Variants in PRAG1 observed in about 807,000 individuals in gnomAD.
The protein encoded by PRAG1 is PEAK1 related, kinase-activating pseudokinase 1.
Under a neutral mutation model 95.6 loss-of-function variants are expected in PRAG1, and 110 were observed. The ratio of observed to expected loss-of-function variants is 1.15; its 90% CI spans 0.99 to 1.35. The LOEUF is 1.35. Among genes scored for constraint, PRAG1 ranks in the 40% most tolerant of loss-of-function variants. The pLI is 0.00. For missense variants in PRAG1, 2,554 were observed against 1,864.7 expected, an observed-to-expected ratio of 1.37 and a Z score of -6.81; for synonymous variants, 1,052 against 819.4, an observed-to-expected ratio of 1.28 and a Z score of -4.85.
At chr8:8,374,273 T>C (rs1235072677) in intron 3 of PRAG1, among the ~76,000 whole-genome samples, 1 of 152,250 alleles carries the variant, frequency 6.6e-6, no homozygotes, top group Non-Finnish European at 1.5e-5. Context: ...GAGTGGCTTA[T>C]ACAAGGTCAC....
chr8:8,334,428 T>TC lies in PRAG1; in HGVS notation c.2320+5049dup, dbSNP rs1413007511. Among the ~76,000 whole-genome samples the TC allele has an allele frequency of 1.1e-4, 15 of 136,208 alleles. No individual in the cohort carries two copies. In the East Asian group the frequency reaches 3.6e-3, roughly 32 times the overall value. 89.4% of individuals were successfully genotyped at this position (136,208 alleles called of 152,430 possible). A position where few individuals can be genotyped will look rare whatever the true frequency, so the allele number is the denominator to read the frequency against. ...TCCAGCCTTGGTGACCGAGTGAGAC[T>TC]CCATCTCAAAAAAAAAAAAGCATTT... On this transcript the variant is annotated intron_variant, in intron 4 of 5. Transcript: ENST00000615670.
At chr8:8,385,556 G>A (rs531061000) in intron 1 of PRAG1, among the ~76,000 whole-genome samples, 7 of 152,330 alleles carry the variant, frequency 4.6e-5, no homozygotes, top group African/African-American at 1.2e-4. Context: ...AAAGCCTTCT[G>A]AGCCTGACTC....
At chr8:8,340,730 C>A (rs755774857) in intron 3 of PRAG1, among the ~76,000 whole-genome samples, 2 of 152,214 alleles carry the variant, frequency 1.3e-5, no homozygotes, top group Non-Finnish European at 2.9e-5. Flanking sequence ...TGTGTATCAA[C>A]AGGAGGGTTT....
At chr8:8,342,118 G>A (rs1456833133) in intron 3 of PRAG1, among the ~76,000 whole-genome samples, 2 of 151,850 alleles carry the variant, frequency 1.3e-5, no homozygotes, top group South Asian at 2.1e-4. Flanking sequence ...GTGACAGAGT[G>A]AAACTGTGTC....
chr8:8,322,274 G>A (rs1389156673), intron 5 of PRAG1, among the ~76,000 whole-genome samples: 14 of 152,108 alleles, frequency 9.2e-5, no homozygotes, highest in African/African-American at 3.4e-4. Flanking sequence ...TCTGCCTCCC[G>A]GGTTCAAGCG....
intron 3 of PRAG1, among the ~76,000 whole-genome samples, chr8:8,353,163 C>G (rs1452784892): frequency 6.6e-6 from 1 of 152,078 alleles, no homozygotes; most frequent in East Asian, 1.9e-4. Flanking sequence ...ATAGATCAAC[C>G]AGACAGAAAA....
intron 3 of PRAG1, among the ~76,000 whole-genome samples, chr8:8,346,859 C>A (rs765809930): frequency 3.5e-4 from 54 of 152,296 alleles, no homozygotes; most frequent in Non-Finnish European, 6.0e-4. Context: ...CTTTCTGCCA[C>A]TGGAGCGGAA....
chr8:8,318,922 C>A lies in PRAG1; in HGVS notation c.3453G>T (p.Leu1151=). The change falls in exon 6 of 6, where the codon CTG becomes CTT. Residue 1151 remains leucine, a synonymous_variant. Transcript: ENST00000615670. This position sits in a 1 kb window ranked among gnomAD's most constrained non-coding sequence, Gnocchi z 4.2. ...CCTGGAGGGTGCAGTGCACCAGCAG[C>A]AGGTTCTCCAGGCACAGGTCCCGGT... ...IIHRDLCLEN[L]LLVHCTLQAG... 6.2e-7 allele frequency: 1 copy of A among 1,609,766 alleles called. No individual in the cohort carries two copies. Among genetic ancestry groups the A allele is most frequent in the Non-Finnish European group, 8.5e-7 (1 of 1,178,450 alleles).
chr8:8,377,822 G>A lies in PRAG1; in HGVS notation c.587C>T (p.Pro196Leu). 3.1e-6 allele frequency: 5 copies of A among 1,614,150 alleles called. No homozygotes were observed. Among genetic ancestry groups the A allele is most frequent in the East Asian group, 2.2e-5 (1 of 44,870 alleles). ...KAVHKEKPSF[P>L]YQDRPSTQES... is the part of the protein sequence containing the mutation. ...CTGGGTGGAGGGCCGGTCTTGGTAA[G>A]GAAATGAGGGTTTTTCTTTGTGCAC... The change falls in exon 3 of 6, where the codon CCT (proline) becomes CTT (leucine). Residue 196 changes from proline to leucine, a missense_variant. By Grantham distance (98) the Pro-to-Leu change is moderately conservative. Transcript: ENST00000615670.
chr8:8,337,510 G>A (rs578059311), intron 4 of PRAG1, among the ~76,000 whole-genome samples: 1 of 152,294 alleles, frequency 6.6e-6, no homozygotes, highest in South Asian at 2.1e-4. Context: ...GAGAAAGAAT[G>A]TCATGCCTTT....
chr8:8,363,439 A>T (rs1011139497), intron 3 of PRAG1, among the ~76,000 whole-genome samples: 1 of 152,228 alleles, frequency 6.6e-6, no homozygotes, highest in African/African-American at 2.4e-5. Context: ...ACTTGAGAAC[A>T]TTATGCTAAG....
At chr8:8,350,091 T>G (rs1585246901) in intron 3 of PRAG1, among the ~76,000 whole-genome samples, 2 of 152,160 alleles carry the variant, frequency 1.3e-5, no homozygotes. Flanking sequence ...TACTTTAGCA[T>G]GAGAGATAGA....
intron 3 of PRAG1, among the ~76,000 whole-genome samples, chr8:8,342,611 G>C (rs1799209922): frequency 6.6e-6 from 1 of 152,126 alleles, no homozygotes; most frequent in South Asian, 2.1e-4. Context: ...GTAAAGATCT[G>C]GTTCTGATAA....
intron 3 of PRAG1, among the ~76,000 whole-genome samples, chr8:8,366,659 C>T (rs1800017940): frequency 6.6e-6 from 1 of 150,804 alleles, no homozygotes; most frequent in Non-Finnish European, 1.5e-5. Flanking sequence ...GGGTATTAAC[C>T]ACTTGAGATT....
Position 8,318,930 on chromosome 8 carries a change from C to A in PRAG1, c.3445G>T (p.Glu1149Ter). The change falls in exon 6 of 6, where the codon GAG (glutamate) becomes TAG (stop). Residue 1149 changes from glutamate (E) to a stop codon, truncating the protein, a stop_gained. Coordinates refer to ENST00000615670, the MANE Select transcript of PRAG1 (RefSeq NM_001080826.3). LOFTEE classifies it high-confidence loss of function. The surrounding 1 kb of genome is among the most constrained non-coding windows in gnomAD (Gnocchi z 4.2). Reference sequence around the variant, plus strand: ...GTGCAGTGCACCAGCAGCAGGTTCTCCAGGCACAGGTCCCGGTGGATGATC... The same window carrying A: ...GTGCAGTGCACCAGCAGCAGGTTCTACAGGCACAGGTCCCGGTGGATGATC... ...HGIIHRDLCL[E>*]NLLLVHCTLQ... The A allele has an allele frequency of 6.2e-7, 1 of 1,611,226 alleles. No homozygotes were observed. Among genetic ancestry groups the A allele is most frequent in the Non-Finnish European group, 8.5e-7 (1 of 1,179,060 alleles).
At chr8:8,379,441 C>T (rs759450904) in intron 2 of PRAG1, among the ~76,000 whole-genome samples, 1 of 152,172 alleles carries the variant, frequency 6.6e-6, no homozygotes, top group Non-Finnish European at 1.5e-5. Flanking sequence ...CTTAAAGAGT[C>T]CCTGGCTCAG....
intron 3 of PRAG1, among the ~76,000 whole-genome samples, chr8:8,340,717 C>T (rs1799133912): frequency 6.6e-6 from 1 of 152,146 alleles, no homozygotes; most frequent in African/African-American, 2.4e-5. Context: ...CACGGGAATC[C>T]CCTGTGTATC....
intron 3 of PRAG1, among the ~76,000 whole-genome samples, chr8:8,355,195 A>T (rs930985151): frequency 8.5e-5 from 13 of 152,304 alleles, no homozygotes; most frequent in Non-Finnish European, 1.8e-4. Flanking sequence ...ATTAGGAATA[A>T]ATTTAAACAA....
chr8:8,376,621 A>G lies in PRAG1; in HGVS notation c.1788T>C (p.Ala596=), dbSNP rs1422548086. 4 of 1,604,150 alleles carry G rather than the reference A, an allele frequency of 2.5e-6. No individual in the cohort carries two copies. Among genetic ancestry groups the G allele is most frequent in the South Asian group, 1.1e-5 (1 of 89,522 alleles). ...CGACACCGTTGGTCCGGCAGGAAGG[A>G]GCGGGGTCAGCAGGACCTTGGGATG... ...QPPSQGPADP[A]PSCRTNGVAI... Residue 596 remains alanine (A), a synonymous_variant, in exon 3 of 6, where the codon GCT becomes GCC. Transcript: ENST00000615670.
Sources: allele counts gnomAD v4.1 joint callset (sites outside exome capture counted in the v4.1 genomes callset), GRCh38; gene constraint gnomAD v4.1.1; non-coding constraint Gnocchi (gnomAD v3.1); transcripts MANE v1.5; gene names NCBI Gene and HGNC (gene_info 2026-07-23, HGNC 2026-07-21).